DNAH1: variants seen among roughly 807,000 people sequenced by gnomAD.
DNAH1 encodes dynein axonemal heavy chain 1, also known as axonemal beta dynein heavy chain 1.
A neutral mutation model predicts 484.3 loss-of-function variants in DNAH1; 327 were observed. That is an observed-to-expected ratio of 0.68 (90% CI 0.62 to 0.74). The LOEUF (loss-of-function observed/expected upper bound fraction) is 0.74, where lower values mean the gene tolerates loss of function less well. Among genes scored for constraint, DNAH1 ranks in the 30% least tolerant of loss-of-function variants. The probability of loss-of-function intolerance (pLI) is 0.00; values close to 1 mark genes in which losing one functional copy is unlikely to be tolerated. For missense variants in DNAH1, 5,052 were observed against 5,546.8 expected, an observed-to-expected ratio of 0.91 and a Z score of 2.83; for synonymous variants, 2,192 against 2,191.9, an observed-to-expected ratio of 1.00 and a Z score of 0.00.
At position 52,372,364 on chromosome 3, in the gene DNAH1, C is replaced by T. The variant is rs1182407553; in HGVS notation, c.6804C>T (p.Phe2268=). 2 of 1,613,850 alleles carry T rather than the reference C, an allele frequency of 1.2e-6. No homozygotes were observed. The highest frequency in any genetic ancestry group is 1.7e-6 in the Non-Finnish European group (2 of 1,179,894). The change falls in exon 43 of 78, where the codon TTC becomes TTT. Residue 2268 remains phenylalanine, a synonymous_variant. Coordinates refer to ENST00000420323, the MANE Select transcript of DNAH1 (RefSeq NM_015512.5). ...CTTCAGCCAACCAGACCCAGGACTT[C>T]ATTGACAGCAAGCTGGACAAGAGGC... is the stretch of plus-strand genomic sequence containing the variant. ...ARTSANQTQD[F]IDSKLDKRRK...
At position 52,397,715 on chromosome 3, in the gene DNAH1, C is replaced by G. The variant is rs765830949; in HGVS notation, c.11796C>G (p.Leu3932=). 3 of 1,607,810 alleles carry G rather than the reference C, an allele frequency of 1.9e-6. No homozygotes were observed. Among genetic ancestry groups the G allele is most frequent in the Non-Finnish European group, 2.5e-6 (3 of 1,176,724 alleles). The change falls in exon 74 of 78, where the codon CTC becomes CTG. Residue 3932 remains leucine, a synonymous_variant. Coordinates refer to ENST00000420323, the MANE Select transcript of DNAH1 (RefSeq NM_015512.5). ...GGCCTCCTCTCTCCTAGGGCTACCT[C>G]TCCTACATCAAGAGCCTCCCACTCA... The part of the protein sequence containing the change: ...IPPTYDLHGY[L]SYIKSLPLND...
intron 8 of DNAH1, among the ~76,000 whole-genome samples, chr3:52,333,667 G>A (rs777614253): frequency 1.3e-5 from 2 of 152,164 alleles, no homozygotes; most frequent in Non-Finnish European, 2.9e-5. Context: ...ACAGGTGTGA[G>A]CCACCATGCC....
Position 52,399,702 on chromosome 3 carries a change from T to C in DNAH1, c.12599T>C (p.Leu4200Pro), listed in dbSNP as rs1356050498. 1.2e-6 allele frequency: 2 copies of C among 1,614,008 alleles called. No homozygotes were observed. The highest frequency in any genetic ancestry group is 1.7e-6 in the Non-Finnish European group (2 of 1,179,890). ...TACACAGAGATGGCCGTTATCTGGCTCTTGCCAACACCCAACCGCAAGGCC... is the reference window on the plus strand; with the variant it reads ...TACACAGAGATGGCCGTTATCTGGCCCTTGCCAACACCCAACCGCAAGGCC... ...ELYTEMAVIW[L>P]LPTPNRKAQD... The change falls in exon 77 of 78, where the codon CTC (leucine) becomes CCC (proline). Residue 4200 changes from leucine to proline, a missense_variant. Leu to Pro is a moderately conservative substitution (Grantham distance 98). Coordinates refer to ENST00000420323, the MANE Select transcript of DNAH1 (RefSeq NM_015512.5).
chr3:52,346,439 G>A, intron 10 of DNAH1, 33 bp from the exon 11 acceptor site: 1 of 1,580,028 alleles, frequency 6.3e-7, no homozygotes, highest in Non-Finnish European at 8.6e-7. Context: ...GGTCCCCAGG[G>A]TGGCCATATG....
Position 52,358,573 on chromosome 3 carries a change from G to T in DNAH1, c.4102G>T (p.Asp1368Tyr), listed in dbSNP as rs768233799. Residue 1368 changes from aspartate to tyrosine, a missense_variant, in exon 25 of 78, where the codon GAC becomes TAC. Around this residue, in one of 4 missense-constraint regions of DNAH1, gnomAD observed 2,929 missense variants for 3,409.4 expected, o/e 0.86. Transcript: ENST00000420323. This position sits in a 1 kb window ranked among gnomAD's most constrained non-coding sequence, Gnocchi z 4.2. ...CTGCTTGCAGCTGCTATTCCAGGAG[G>T]ACCTGGAGATCACGCACATGTACTC... is the stretch of plus-strand genomic sequence containing the variant. The part of the protein sequence containing the change: ...ENIARLLFQE[D>Y]LEITHMYSAE... 13 of 1,610,218 alleles carry T rather than the reference G, an allele frequency of 8.1e-6. No individual in the cohort carries two copies. Among genetic ancestry groups the T allele is most frequent in the Non-Finnish European group, 1.1e-5 (13 of 1,178,454 alleles).
rs1703133539 is a variant in DNAH1, at chr3:52,367,446, G to T, written c.5765+559G>T. Reference sequence around the variant, plus strand: ...CGCCCACCTTCCACAACGTGAACCTGTACTGCTTCCCCCATTTCTGGTGAA... The same window carrying T: ...CGCCCACCTTCCACAACGTGAACCTTTACTGCTTCCCCCATTTCTGGTGAA... On this transcript the variant is annotated intron_variant, in intron 36 of 77. Coordinates refer to ENST00000420323, the MANE Select transcript of DNAH1 (RefSeq NM_015512.5). Among the ~76,000 whole-genome samples, 2 of 152,012 alleles carry T rather than the reference G, an allele frequency of 1.3e-5. 1 individual carries two copies. The highest frequency in any genetic ancestry group is 4.2e-4 in the South Asian group (2 of 4,812).
intron 46 of DNAH1, among the ~76,000 whole-genome samples, chr3:52,377,755 C>T (rs1232600590): frequency 3.2e-5 from 3 of 94,266 alleles, no homozygotes; most frequent in African/African-American, 1.6e-4. Flanking sequence ...CTCTGCTTGA[C>T]CCCCCTTCCT....
At chr3:52,365,087 G>A in intron 34 of DNAH1, 68 bp downstream of exon 34, 2 of 1,549,622 alleles carry the variant, frequency 1.3e-6, no homozygotes, top group Non-Finnish European at 1.7e-6. Flanking sequence ...AGGTCAGGGG[G>A]ACAGAGACAG....
In DNAH1 at chr3:52,379,983, C is replaced by A. The variant is rs755633690; in HGVS notation, c.7456C>A (p.Arg2486Ser). The change falls in exon 48 of 78, where the codon CGC becomes AGC. Residue 2486 changes from arginine (R) to serine (S), a missense_variant. By Grantham distance (110) the Arg-to-Ser change is moderately radical. This residue lies in a region of DNAH1 where 2,929 missense variants were observed against 3,409.4 expected (regional missense o/e 0.86). Coordinates refer to ENST00000420323, the MANE Select transcript of DNAH1 (RefSeq NM_015512.5). This position sits in a 1 kb window ranked among gnomAD's most constrained non-coding sequence, Gnocchi z 4.4. The part of the protein sequence containing the change: ...FRDRLVNEED[R>S]SWFDQLLKRC... ...GGACCGACTGGTGAATGAGGAGGAC[C>A]GCAGCTGGTTCGACCAGCTCCTCAA... 8.8e-5 allele frequency: 139 copies of A among 1,587,452 alleles called. No homozygotes were observed. Among genetic ancestry groups the A allele is most frequent in the Non-Finnish European group, 1.1e-4 (134 of 1,167,258 alleles).
At position 52,384,893 on chromosome 3, in the gene DNAH1, G is replaced by T. The variant is rs1356294907; in HGVS notation, c.8430G>T (p.Leu2810=). The stretch of plus-strand genomic sequence containing the variant: ...TGACCCCCAAGAGCTACTTGGAGCT[G>T]CTTCATATTTTCTCCATCCTCATCG... The part of the protein sequence containing the change: ...NYVTPKSYLE[L]LHIFSILIGQ... Residue 2810 remains leucine, a synonymous_variant, in exon 53 of 78, where the codon CTG becomes CTT. Coordinates refer to ENST00000420323, the MANE Select transcript of DNAH1 (RefSeq NM_015512.5). 7 of 1,613,526 alleles carry T rather than the reference G, an allele frequency of 4.3e-6. No individual in the cohort carries two copies. The highest frequency in any genetic ancestry group is 8.5e-7 in the Non-Finnish European group (1 of 1,179,726).
chr3:52,350,028 G>T lies in DNAH1; in HGVS notation c.2566G>T (p.Glu856Ter). 1.2e-6 allele frequency: 2 copies of T among 1,613,294 alleles called. No individual in the cohort carries two copies. The highest frequency in any genetic ancestry group is 2.2e-5 in the South Asian group (2 of 90,800). Residue 856 changes from glutamate to a stop codon, truncating the protein, a stop_gained, in exon 15 of 78, where the codon GAG (glutamate) becomes TAG (stop). Coordinates refer to ENST00000420323, the MANE Select transcript of DNAH1 (RefSeq NM_015512.5). LOFTEE classifies it high-confidence loss of function. ...EFRSISRKIY[E>*]KPNSIEELAE... is the part of the protein sequence containing the mutation. Reference sequence around the variant, plus strand: ...CCGCAGCATCAGCCGCAAGATCTATGAGAAGCCCAACAGCATTGAGGAGCT... The same window carrying T: ...CCGCAGCATCAGCCGCAAGATCTATTAGAAGCCCAACAGCATTGAGGAGCT...
intron 2 of DNAH1, among the ~76,000 whole-genome samples, chr3:52,323,323 G>A (rs1701218324): frequency 6.6e-6 from 1 of 152,046 alleles, no homozygotes; most frequent in Non-Finnish European, 1.5e-5. Context: ...GGAGGCTGGG[G>A]GCAGGGAAAA....
In DNAH1 at chr3:52,388,136, A is replaced by G. The variant is rs772096411; in HGVS notation, c.9004-31A>G. The G allele has an allele frequency of 1.9e-6, 3 of 1,594,256 alleles. No individual in the cohort carries two copies. The South Asian group carries it at 3.4e-5, about 18-fold the overall frequency. On this transcript the variant is annotated intron_variant, in intron 56 of 77. Coordinates refer to ENST00000420323, the MANE Select transcript of DNAH1 (RefSeq NM_015512.5). ...CCTTCCCCTGTCACCCTTGAGAAGC[A>G]GCCTCTTGAGACCCAGGCTTCCCAC...
At position 52,384,833 on chromosome 3, in the gene DNAH1, C is replaced by G. The variant is rs555969561; in HGVS notation, c.8370C>G (p.Ile2790Met). 6.2e-7 allele frequency: 1 copy of G among 1,604,314 alleles called. No homozygotes were observed. ...ACCAGTCGGTGTCCAAGAAGTGCAT[C>G]GAGTACCTGGCAGAGCTGACCCGCC... is the stretch of plus-strand genomic sequence containing the variant. ...YIHQSVSKKC[I>M]EYLAELTRHN... The change falls in exon 53 of 78, where the codon ATC (isoleucine) becomes ATG (methionine). Residue 2790 changes from isoleucine (I) to methionine (M), a missense_variant. By Grantham distance (10) the Ile-to-Met change is conservative. Around this residue, in one of 4 missense-constraint regions of DNAH1, gnomAD observed 2,929 missense variants for 3,409.4 expected, o/e 0.86. Coordinates refer to ENST00000420323, the MANE Select transcript of DNAH1 (RefSeq NM_015512.5).
chr3:52,399,536 T>G lies in DNAH1; in HGVS notation c.12442-9T>G. The G allele has an allele frequency of 2.5e-6, 4 of 1,598,860 alleles. No homozygotes were observed. In the Admixed American group the frequency reaches 6.8e-5, roughly 27 times the overall value. On this transcript the variant is annotated splice_polypyrimidine_tract_variant and intron_variant, in intron 76 of 77. Transcript: ENST00000420323. ...TATGTGTGTGGGGTGTGTCTGTGTC[T>G]ACCCACAGGTGATGTTTGAGGCACC... is the stretch of plus-strand genomic sequence containing the variant.
At chr3:52,360,200 A>ATGGG (rs1702796968) in intron 27 of DNAH1, 111 bp from the exon 28 acceptor site, 1 of 1,510,910 alleles carries the variant, frequency 6.6e-7, no homozygotes, top group Non-Finnish European at 9.1e-7. Flanking sequence ...CAAGCTGGGT[A>ATGGG]TGGGTACCTT....
In DNAH1 at chr3:52,368,979, T is replaced by A; in HGVS notation, c.5943+61T>A. On this transcript the variant is annotated intron_variant, in intron 37 of 77. Coordinates refer to ENST00000420323, the MANE Select transcript of DNAH1 (RefSeq NM_015512.5). This position sits in a 1 kb window ranked among gnomAD's most constrained non-coding sequence, Gnocchi z 4.4. ...AGGCTGGGTGGGCCTGGAGGCTGCA[T>A]CATGCTGGCCAAACTCTGCCCCCTC... 2.5e-6 allele frequency: 4 copies of A among 1,578,734 alleles called. No homozygotes were observed. Among genetic ancestry groups the A allele is most frequent in the South Asian group, 2.2e-5 (2 of 88,970 alleles).
At position 52,388,203 on chromosome 3, in the gene DNAH1, C is replaced by T; in HGVS notation, c.9040C>T (p.Pro3014Ser). 6.2e-7 allele frequency: 1 copy of T among 1,609,786 alleles called. No individual in the cohort carries two copies. The highest frequency in any genetic ancestry group is 8.5e-7 in the Non-Finnish European group (1 of 1,178,190). ...IGDVVIKAIQ[P>S]YIDNEEFQPA... ...GGATGTGGTGATCAAAGCCATCCAG[C>T]CGTACATCGATAATGAAGAGTTCCA... Residue 3014 changes from proline to serine, a missense_variant, in exon 57 of 78, where the codon CCG (proline) becomes TCG (serine). By Grantham distance (74) the Pro-to-Ser change is moderately conservative. Transcript: ENST00000420323.
At chr3:52,311,025 G>A in the DNAH1 span, among the ~76,000 whole-genome samples, 5 of 152,216 alleles carry the variant, frequency 3.3e-5, no homozygotes, top group African/African-American at 1.2e-4. Flanking sequence ...AGGGTTGACT[G>A]TTTCTACACA....
Sources: gnomAD v4.1 joint callset for allele counts (sites outside exome capture counted in the v4.1 genomes callset) on GRCh38, gnomAD v4.1.1 for gene constraint, gnomAD v4.1.1 regional missense constraint, Gnocchi (gnomAD v3.1) non-coding constraint, MANE v1.5 for transcripts, NCBI Gene and HGNC (gene_info 2026-07-23, HGNC 2026-07-21) for gene names.